Variants in ARHGAP40 observed in about 807,000 individuals in gnomAD.
ARHGAP40 encodes rho GTPase-activating protein 40.
A neutral mutation model predicts 73.5 loss-of-function variants in ARHGAP40; 43 were observed. That is an observed-to-expected ratio of 0.58 (90% CI 0.46 to 0.75). The LOEUF is 0.75. Ranked by LOEUF, ARHGAP40 falls within the 30% of genes least tolerant of loss-of-function variation. The pLI is 0.00. For missense variants in ARHGAP40, 734 were observed against 861.8 expected (o/e 0.85, Z 1.86); for synonymous variants, 300 against 352.8 (o/e 0.85, Z 1.68).
At chr20:38,648,687 G>T in exon 14 of ARHGAP40, 5 of 1,305,830 alleles carry the variant, frequency 3.8e-6, no homozygotes, top group Non-Finnish European at 4.0e-6. Flanking sequence ...TATGAAGTTG[G>T]AGGGAATATC....
intron 1 of ARHGAP40, among the ~76,000 whole-genome samples, chr20:38,614,175 A>T (rs2088820584): frequency 6.6e-6 from 1 of 152,178 alleles, no homozygotes; most frequent in Non-Finnish European, 1.5e-5. Flanking sequence ...GTACTAAGTT[A>T]TGTGAGTGAT....
rs146758000 is a variant in ARHGAP40 at position 38,619,881 on chromosome 20, C to T, written c.138-3478C>T. Among the ~76,000 whole-genome samples the T allele has an allele frequency of 1.6e-3, 242 of 151,936 alleles. 1 individual carries two copies. Among genetic ancestry groups the T allele is most frequent in the African/African-American group, 5.6e-3 (234 of 41,422 alleles). On this transcript the variant is annotated intron_variant, in intron 1 of 14. Transcript: ENST00000373345. ...TGGAGTCAAGGCATTTAAGGGCAGC[C>T]TGAGCAGCATAGCAAGACCTCGTCT...
chr20:38,627,623 G>T (rs866358996), intron 3 of ARHGAP40, among the ~76,000 whole-genome samples: 25 of 135,286 alleles, frequency 1.8e-4, no homozygotes, highest in East Asian at 4.3e-4. Context: ...GTGTTGGTGT[G>T]TGTGTGTTGG....
chr20:38,610,902 T>A (rs920507191), intron 1 of ARHGAP40, among the ~76,000 whole-genome samples: 7 of 150,146 alleles, frequency 4.7e-5, no homozygotes, highest in Non-Finnish European at 1.0e-4. Flanking sequence ...TTTCTTTTTT[T>A]TTTTTTTGAC....
Position 38,601,818 on chromosome 20 carries a change from T to G in ARHGAP40, c.-125T>G. The stretch of plus-strand genomic sequence containing the variant: ...GAGGAGGCTGAACATTAGTCCTGCA[T>G]GAGGGTGTCTGGGAACTGGGTGCGC... On this transcript the variant is annotated 5_prime_UTR_variant, in exon 1 of 15. The change abolishes an upstream ATG in the 5' untranslated region. Coordinates refer to ENST00000373345, the Ensembl canonical transcript of ARHGAP40. The G allele has an allele frequency of 1.7e-6, 2 of 1,157,400 alleles. No homozygotes were observed. The highest frequency in any genetic ancestry group is 2.3e-6 in the Non-Finnish European group (2 of 884,568). The allele number at this position is 1,157,400 out of a possible 1,614,324, so 71.7% of individuals were successfully genotyped here. A position where few individuals can be genotyped will look rare whatever the true frequency, so the allele number is the denominator to read the frequency against.
Position 38,629,525 on chromosome 20 carries a change from G to GA in ARHGAP40, c.659dup (p.Gln221AlafsTer79), listed in dbSNP as rs1300880877. ...AGCAGCAGAGCCTGGGGGGCTGCAG[G>GA]AGCAGGCTGGGAGGGAAGAAGCCTT... is the stretch of plus-strand genomic sequence containing the variant. On this transcript the variant is annotated frameshift_variant, in exon 5 of 15. Transcript: ENST00000373345. LOFTEE classifies it high-confidence loss of function. 1.5e-6 allele frequency: 2 copies of GA among 1,305,328 alleles called. No homozygotes were observed. Among genetic ancestry groups the GA allele is most frequent in the African/African-American group, 3.0e-5 (2 of 65,880 alleles). 80.9% of individuals were successfully genotyped at this position (1,305,328 alleles called of 1,614,324 possible).
intron 13 of ARHGAP40, 146 bp from the exon 14 acceptor site, chr20:38,648,497 G>A (rs1286861171): frequency 1.9e-6 from 1 of 531,434 alleles, no homozygotes; most frequent in Non-Finnish European, 3.0e-6. Flanking sequence ...TCTCTCAGGA[G>A]GGTCCTTATG....
At chr20:38,614,526 A>AC (rs755277984) in intron 1 of ARHGAP40, among the ~76,000 whole-genome samples, 95 of 152,152 alleles carry the variant, frequency 6.2e-4, no homozygotes, top group Non-Finnish European at 1.1e-3. Context: ...GGGAAAAAAA[A>AC]CCATTGGCCA....
chr20:38,628,520 G>A (rs960189645), intron 3 of ARHGAP40, among the ~76,000 whole-genome samples: 2 of 152,134 alleles, frequency 1.3e-5, no homozygotes, highest in Non-Finnish European at 2.9e-5. Flanking sequence ...TAGCCAGGAT[G>A]GTCTCTATCT....
chr20:38,626,314 C>A (rs1437867487), intron 2 of ARHGAP40, among the ~76,000 whole-genome samples: 1 of 152,186 alleles, frequency 6.6e-6, no homozygotes, highest in Non-Finnish European at 1.5e-5. Context: ...CCATTTCCCC[C>A]ATGATAAGGC....
At chr20:38,635,174 C>T (rs1242371989) in intron 6 of ARHGAP40, among the ~76,000 whole-genome samples, 1 of 152,106 alleles carries the variant, frequency 6.6e-6, no homozygotes, top group Non-Finnish European at 1.5e-5. Flanking sequence ...GCCACCACGC[C>T]TGGCCAGCAT....
rs368988182 is a variant in ARHGAP40, at chr20:38,619,339, A to C, written c.138-4020A>C. On this transcript the variant is annotated intron_variant, in intron 1 of 14. Coordinates refer to ENST00000373345, the Ensembl canonical transcript of ARHGAP40. ...CCAGAGAAGGGTATCTAGACGAAAC[A>C]TGGGAAGACTGCGATGAGGCTGTGG... Among the ~76,000 whole-genome samples, 20 of 152,158 alleles carry C rather than the reference A, an allele frequency of 1.3e-4. No individual in the cohort carries two copies. In the East Asian group the frequency reaches 1.3e-3, roughly 10 times the overall value.
At chr20:38,644,745 T>G (rs1211839860) in intron 11 of ARHGAP40, among the ~76,000 whole-genome samples, 1 of 149,222 alleles carries the variant, frequency 6.7e-6, no homozygotes, top group Non-Finnish European at 1.5e-5. Flanking sequence ...CCACCAATCA[T>G]GCATCTCTCC....
intron 1 of ARHGAP40, among the ~76,000 whole-genome samples, chr20:38,613,219 T>G (rs548118107): frequency 2.6e-5 from 4 of 152,068 alleles, no homozygotes; most frequent in African/African-American, 9.7e-5. Context: ...CAGATGGAGA[T>G]TGGTAGATCC....
chr20:38,611,914 G>A (rs1166647620), intron 1 of ARHGAP40, among the ~76,000 whole-genome samples: 1 of 150,750 alleles, frequency 6.6e-6, no homozygotes, highest in African/African-American at 2.4e-5. Context: ...TGTAGGGATA[G>A]GGTCTTGCTG....
chr20:38,631,068 T>C (rs1384221917), intron 5 of ARHGAP40, among the ~76,000 whole-genome samples: 1 of 152,008 alleles, frequency 6.6e-6, no homozygotes, highest in Admixed American at 6.6e-5. Context: ...TCCCAGCAAT[T>C]TGGGAGGCCA....
chr20:38,647,592 T>C (rs220528), intron 13 of ARHGAP40, among the ~76,000 whole-genome samples: 99,019 of 152,004 alleles, frequency 0.65, 33,397 homozygotes, highest in African/African-American at 0.84. Flanking sequence ...AGGGTTTTAC[T>C]ATGTTAGCCA....
chr20:38,607,145 C>T (rs1471828443), intron 1 of ARHGAP40, among the ~76,000 whole-genome samples: 2 of 152,202 alleles, frequency 1.3e-5, no homozygotes, highest in Non-Finnish European at 2.9e-5. Flanking sequence ...TTGGAGCTGA[C>T]TCCAAATAGC....
At chr20:38,647,435 G>C (rs2145617017) in intron 13 of ARHGAP40, among the ~76,000 whole-genome samples, 1 of 152,308 alleles carries the variant, frequency 6.6e-6, no homozygotes, top group Admixed American at 6.5e-5. Context: ...CTGTCACCCA[G>C]GCTGGAGTGC....
Sources: allele counts gnomAD v4.1 joint callset (sites outside exome capture counted in the v4.1 genomes callset), GRCh38; gene constraint gnomAD v4.1.1; transcripts MANE v1.5; gene names NCBI Gene and HGNC (gene_info 2026-07-23, HGNC 2026-07-21).